AMPD3: variants seen among roughly 807,000 people sequenced by gnomAD.
The protein encoded by AMPD3 is adenosine monophosphate deaminase 3.
Under a neutral mutation model 82.3 loss-of-function variants are expected in AMPD3, and 57 were observed. The ratio of observed to expected loss-of-function variants is 0.69; its 90% CI spans 0.56 to 0.86. AMPD3 has a LOEUF of 0.86. Among genes scored for constraint, AMPD3 ranks in the 40% least tolerant of loss-of-function variants. The pLI is 0.00. For synonymous variants in AMPD3, 381 were observed against 394.7 expected (o/e 0.97, Z 0.41); for missense variants, 870 against 1,003.8 (o/e 0.87, Z 1.80).
intron 13 of AMPD3, 76 bp from the exon 14 acceptor site, chr11:10,504,473 G>A: frequency 1.4e-6 from 2 of 1,429,822 alleles, no homozygotes; most frequent in Non-Finnish European, 2.0e-6. Context: ...GTCTGATGTT[G>A]TTAGCTTTGG....
chr11:10,501,366 T>A, intron 11 of AMPD3, 104 bp from the exon 12 acceptor site: 1 of 1,541,608 alleles, frequency 6.5e-7, no homozygotes. Flanking sequence ...CAGCTGACCA[T>A]GGGTGGTCAT....
chr11:10,502,895 G>T lies in AMPD3; in HGVS notation c.2016+1G>T, dbSNP rs747915114. 6.2e-7 allele frequency: 1 copy of T among 1,614,082 alleles called. No individual in the cohort carries two copies. Among genetic ancestry groups the T allele is most frequent in the East Asian group, 2.2e-5 (1 of 44,872 alleles). ...CCCCATGCAGTTCCACTACACGAAG[G>T]TAAGGACTTTGGGGTGAGGACAGTA... is the stretch of plus-strand genomic sequence containing the variant. On this transcript the variant is annotated splice_donor_variant, in intron 13 of 14. Coordinates refer to ENST00000396553, the MANE Select transcript of AMPD3 (RefSeq NM_001025389.2). LOFTEE classifies it high-confidence loss of function.
intron 7 of AMPD3, chr11:10,494,521 T>A (rs1002895131): frequency 2.0e-6 from 2 of 984,076 alleles, no homozygotes; most frequent in Non-Finnish European, 1.2e-6. Flanking sequence ...AAAAAAACTT[T>A]TGTTAAACAA....
chr11:10,460,083 T>TTA lies in AMPD3; in HGVS notation c.-5-1416_-5-1415dup, dbSNP rs555939904. ...ATATATATTATATATAATATATATT[T>TTA]TATATATATATATATATTTTATTTT... On this transcript the variant is annotated intron_variant, in intron 1 of 14. Coordinates refer to ENST00000396553, the MANE Select transcript of AMPD3 (RefSeq NM_001025389.2). Among the ~76,000 whole-genome samples, 784 of 143,090 alleles carry TTA rather than the reference T, an allele frequency of 5.5e-3. 2 individuals carry two copies. Among genetic ancestry groups the TTA allele is most frequent in the East Asian group, 0.029 (144 of 5,042 alleles). The allele number at this position is 143,090 out of a possible 152,430, so 93.9% of individuals were successfully genotyped here.
At chr11:10,494,587 G>A (rs1171634184) in intron 7 of AMPD3, 1 of 985,224 alleles carries the variant, frequency 1.0e-6, no homozygotes, top group African/African-American at 1.7e-5. Flanking sequence ...GTAGTGATAG[G>A]GAATGTTCTA....
intron 10 of AMPD3, chr11:10,497,671 GA>G (rs1225301950): frequency 2.0e-6 from 2 of 984,678 alleles, no homozygotes; most frequent in Non-Finnish European, 2.4e-6. Flanking sequence ...TTATGTTTTA[GA>G]CAAACATATT....
chr11:10,503,559 T>C (rs555751982), intron 13 of AMPD3, among the ~76,000 whole-genome samples: 1 of 152,358 alleles, frequency 6.6e-6, no homozygotes. Flanking sequence ...AAAGACCTGT[T>C]GTTTATGTGG....
intron 2 of AMPD3, among the ~76,000 whole-genome samples, chr11:10,466,540 A>G (rs1046176503): frequency 8.5e-5 from 13 of 152,210 alleles, no homozygotes; most frequent in South Asian, 4.1e-4. Context: ...AGCAGCCCCA[A>G]TCAGGGACTT....
rs1056453179 is a variant in AMPD3 at position 10,456,031 on chromosome 11, G to T, written c.-6+583G>T. 5 of 985,322 alleles carry T rather than the reference G, an allele frequency of 5.1e-6. No individual in the cohort carries two copies. The highest frequency in any genetic ancestry group is 6.0e-6 in the Non-Finnish European group (5 of 829,934). 61.0% of individuals were successfully genotyped at this position (985,322 alleles called of 1,614,324 possible). On this transcript the variant is annotated intron_variant, in intron 1 of 14. Transcript: ENST00000396553. This position sits in a 1 kb window ranked among gnomAD's most constrained non-coding sequence, Gnocchi z 4.3. ...GCTGGGCAGGACGGCTGAGTTTACT[G>T]TTGTAAAGAGGAAGCCGCCGCTTTA...
chr11:10,482,590 C>T (rs1372804541), intron 4 of AMPD3, among the ~76,000 whole-genome samples: 9 of 152,136 alleles, frequency 5.9e-5, no homozygotes, highest in African/African-American at 2.2e-4. Flanking sequence ...TGGCTCACTG[C>T]AGCCTCAATC....
rs949894741 is a variant in AMPD3, at chr11:10,495,025, G to T, written c.1261G>T (p.Val421Phe). 1 of 1,614,062 alleles carries T rather than the reference G, an allele frequency of 6.2e-7. No individual in the cohort carries two copies. The highest frequency in any genetic ancestry group is 8.5e-7 in the Non-Finnish European group (1 of 1,180,020). ...YLGGEYFARM[V>F]KEVARELEES... The stretch of plus-strand genomic sequence containing the variant: ...GGGAGGAGAGTACTTTGCTCGGATG[G>T]TCAAGGTGAGTGAACCCTCAGTCTC... Residue 421 changes from valine to phenylalanine, a missense_variant, in exon 8 of 15, where the codon GTC (valine) becomes TTC (phenylalanine). Transcript: ENST00000396553.
chr11:10,505,736 A>G lies in AMPD3; in HGVS notation c.2156A>G (p.Tyr719Cys), dbSNP rs1276634863. The part of the protein sequence containing the change: ...QEKQKFLGQN[Y>C]YKEGPEGNDI... ...AAGCAAAAGTTTCTGGGACAAAATT[A>G]TTATAAAGAAGGACCTGAAGGAAAT... Residue 719 changes from tyrosine (Y) to cysteine (C), a missense_variant, in exon 15 of 15, where the codon TAT (tyrosine) becomes TGT (cysteine). By Grantham distance (194) the Tyr-to-Cys change is radical. Transcript: ENST00000396553. 1 of 1,614,070 alleles carries G rather than the reference A, an allele frequency of 6.2e-7. No homozygotes were observed. Among genetic ancestry groups the G allele is most frequent in the Admixed American group, 1.7e-5 (1 of 60,034 alleles).
chr11:10,477,213 G>A, intron 2 of AMPD3: 1 of 615,438 alleles, frequency 1.6e-6, no homozygotes, highest in Non-Finnish European at 2.0e-6. Context: ...TATCACACTA[G>A]TACCTGGAGA....
intron 13 of AMPD3, 116 bp downstream of exon 13, chr11:10,503,010 G>T: frequency 8.2e-7 from 1 of 1,221,042 alleles, no homozygotes; most frequent in Non-Finnish European, 1.2e-6. Flanking sequence ...GGGGTTGGTG[G>T]CCCAGTGAAG....
chr11:10,494,194 T>G (rs1591478230), intron 7 of AMPD3, among the ~76,000 whole-genome samples: 1 of 152,274 alleles, frequency 6.6e-6, no homozygotes, highest in East Asian at 1.9e-4. Flanking sequence ...ATGAATGGAT[T>G]TTTCAAAAGA....
intron 13 of AMPD3, chr11:10,504,141 TC>T: frequency 2.3e-6 from 2 of 860,446 alleles, no homozygotes; most frequent in African/African-American, 1.8e-5. Context: ...TATCTATCTA[TC>T]TATCTATTTA....
intron 2 of AMPD3, among the ~76,000 whole-genome samples, chr11:10,466,590 G>A (rs1037383166): frequency 3.3e-5 from 5 of 152,162 alleles, no homozygotes; most frequent in Admixed American, 2.0e-4. Context: ...GAGCACCTGG[G>A]GGAAGGGGCA....
At chr11:10,450,432 T>C (rs1414682358), upstream of AMPD3, 1 of 985,950 alleles carries the variant, frequency 1.0e-6, no homozygotes. Context: ...TTGCTGCAAC[T>C]ACAGGGAGCA....
Position 10,461,588 on chromosome 11 carries a change from G to A in AMPD3, c.69G>A (p.Lys23=), listed in dbSNP as rs1848272330. The A allele has an allele frequency of 6.2e-7, 1 of 1,614,116 alleles. No homozygotes were observed. The highest frequency in any genetic ancestry group is 1.7e-5 in the Admixed American group (1 of 59,992). Residue 23 remains lysine, a synonymous_variant, in exon 2 of 15, where the codon AAG becomes AAA. Transcript: ENST00000396553. ...VDEQVRLLAE[K]VFAKVLREED... is the part of the protein sequence containing the mutation. ...AGCAAGTCCGGCTCCTGGCGGAGAA[G>A]GTGTTTGCTAAAGTGCTCCGAGAAG...
Sources: gnomAD v4.1 joint callset for allele counts (sites outside exome capture counted in the v4.1 genomes callset) on GRCh38, gnomAD v4.1.1 for gene constraint, Gnocchi (gnomAD v3.1) non-coding constraint, MANE v1.5 for transcripts, NCBI Gene and HGNC (gene_info 2026-07-23, HGNC 2026-07-21) for gene names.